Variants in SLC16A7 observed in about 807,000 individuals in gnomAD.
The protein encoded by SLC16A7 is monocarboxylate transporter 2.
A neutral mutation model predicts 34.9 loss-of-function variants in SLC16A7; 33 were observed. The observed-to-expected ratio is 0.94, with a 90% confidence interval of 0.72 to 1.26. The LOEUF (loss-of-function observed/expected upper bound fraction) is 1.26. Among genes scored for constraint, SLC16A7 ranks in the 50% most tolerant of loss-of-function variants. SLC16A7 has a pLI of 0.00. For missense variants in SLC16A7, 573 were observed against 578.1 expected (o/e 0.99, Z 0.09); for synonymous variants, 201 against 206.6 (o/e 0.97, Z 0.23).
In SLC16A7 at chr12:59,761,996, T is replaced by A. The variant is rs79724191; in HGVS notation, c.218-9223T>A. 2.4e-4 allele frequency among the ~76,000 whole-genome samples: 36 copies of A among 152,196 alleles called. 1 individual carries two copies. In the East Asian group the frequency reaches 7.0e-3, roughly 29 times the overall value. The stretch of plus-strand genomic sequence containing the variant: ...ATTTTACTCATTATGCCAACTGTAT[T>A]AAGGGGATTCCATCTTTCTTTGGGC... On this transcript the variant is annotated intron_variant, in intron 3 of 5. Transcript: ENST00000547379.
In SLC16A7 at chr12:59,703,051, G is replaced by A. The variant is rs370006429; in HGVS notation, c.-30-1721G>A. On this transcript the variant is annotated intron_variant, in intron 2 of 5. Coordinates refer to ENST00000547379, the MANE Select transcript of SLC16A7 (RefSeq NM_001270623.2). ...AAAAAGCATTTATTTAGCATAATAAGTACACAGTATTTATTGAGTGAGATC... is the reference window on the plus strand; with the variant it reads ...AAAAAGCATTTATTTAGCATAATAAATACACAGTATTTATTGAGTGAGATC... Among the ~76,000 whole-genome samples the A allele has an allele frequency of 3.3e-5, 5 of 152,066 alleles. No individual in the cohort carries two copies. In the East Asian group the frequency reaches 7.7e-4, roughly 24 times the overall value.
intron 1 of SLC16A7, among the ~76,000 whole-genome samples, chr12:59,600,491 C>T (rs975592819): frequency 5.9e-5 from 9 of 151,542 alleles, no homozygotes; most frequent in African/African-American, 2.2e-4. Context: ...TGTGAGAAAG[C>T]TTCATTTTCT....
chr12:59,744,854 A>G (rs745545299), intron 3 of SLC16A7, among the ~76,000 whole-genome samples: 1 of 151,784 alleles, frequency 6.6e-6, no homozygotes, highest in African/African-American at 2.4e-5. Context: ...TCATCTGTGC[A>G]CTCCCTCTTG....
rs1883574252 is a variant in SLC16A7 at position 59,785,813 on chromosome 12, A to G, written c.*6134A>G. The G allele has an allele frequency of 6.6e-6, 1 of 152,130 alleles. No homozygotes were observed. Among genetic ancestry groups the G allele is most frequent in the Non-Finnish European group, 1.5e-5 (1 of 68,038 alleles). The allele number at this position is 152,130 out of a possible 1,614,324, so 9.4% of individuals were successfully genotyped here. The stretch of plus-strand genomic sequence containing the variant: ...GTTTCTTTTTAATTTAAATATGGCA[A>G]AATAAGCTAGAGAATCTCAGTGTGA... On this transcript the variant is annotated 3_prime_UTR_variant, in exon 6 of 6. Transcript: ENST00000547379.
chr12:59,621,320 C>T (rs976956258), intron 1 of SLC16A7, among the ~76,000 whole-genome samples: 2 of 151,916 alleles, frequency 1.3e-5, no homozygotes, highest in African/African-American at 2.4e-5. Context: ...CATCCGAAAG[C>T]TGAAGTCTGA....
Position 59,684,453 on chromosome 12 carries a change from A to T in SLC16A7, c.-30-20319A>T, listed in dbSNP as rs185039489. ...TGTCCTTCTAGTGAGCAGGGTAGGA[A>T]GGACAGCAACCTGGTGCTCCCCACT... On this transcript the variant is annotated intron_variant, in intron 2 of 5. Coordinates refer to ENST00000547379, the MANE Select transcript of SLC16A7 (RefSeq NM_001270623.2). Among the ~76,000 whole-genome samples, 31 of 152,288 alleles carry T rather than the reference A, an allele frequency of 2.0e-4. 1 individual carries two copies. In the East Asian group the frequency reaches 5.6e-3, roughly 28 times the overall value.
intron 1 of SLC16A7, among the ~76,000 whole-genome samples, chr12:59,646,663 C>T (rs1868254286): frequency 6.6e-6 from 1 of 152,064 alleles, no homozygotes. Flanking sequence ...GGCCACCATC[C>T]CCTGGAACCC....
At chr12:59,750,319 G>A (rs577569210) in intron 3 of SLC16A7, among the ~76,000 whole-genome samples, 135 of 152,030 alleles carry the variant, frequency 8.9e-4, no homozygotes, top group African/African-American at 2.7e-3. Flanking sequence ...CTATCCATCC[G>A]ACAAAGGGCT....
intron 3 of SLC16A7, among the ~76,000 whole-genome samples, 197 bp from the exon 4 acceptor site, chr12:59,771,022 A>G (rs1423046328): frequency 6.6e-6 from 1 of 152,190 alleles, no homozygotes; most frequent in African/African-American, 2.4e-5. Context: ...GTGCTTTTAT[A>G]CATATGACTG....
chr12:59,626,768 A>T (rs1401826591), intron 1 of SLC16A7, among the ~76,000 whole-genome samples: 1 of 151,808 alleles, frequency 6.6e-6, no homozygotes, highest in Non-Finnish European at 1.5e-5. Flanking sequence ...CTCACAGCAG[A>T]TGACAAATTG....
At chr12:59,679,639 C>G (rs1163921778) in intron 2 of SLC16A7, among the ~76,000 whole-genome samples, 1 of 152,014 alleles carries the variant, frequency 6.6e-6, no homozygotes, top group Non-Finnish European at 1.5e-5. Context: ...TTATAATTAC[C>G]TCCTACATTT....
intron 3 of SLC16A7, among the ~76,000 whole-genome samples, chr12:59,737,840 A>C (rs975766461): frequency 6.6e-6 from 1 of 152,126 alleles, no homozygotes; most frequent in Admixed American, 6.5e-5. Context: ...AACCCAACAA[A>C]TGGAATAGTT....
At chr12:59,730,673 CT>C (rs1183886760) in intron 3 of SLC16A7, among the ~76,000 whole-genome samples, 1 of 152,042 alleles carries the variant, frequency 6.6e-6, no homozygotes, top group Non-Finnish European at 1.5e-5. Context: ...ATATATTTTT[CT>C]TTTTATTTTC....
In SLC16A7 at chr12:59,751,281, C is replaced by T. The variant is rs182667532; in HGVS notation, c.218-19938C>T. 3.9e-3 allele frequency among the ~76,000 whole-genome samples: 599 copies of T among 152,328 alleles called. 4 individuals carry two copies. The highest frequency in any genetic ancestry group is 0.013 in the African/African-American group (528 of 41,576). On this transcript the variant is annotated intron_variant, in intron 3 of 5. Coordinates refer to ENST00000547379, the MANE Select transcript of SLC16A7 (RefSeq NM_001270623.2). ...GACAGTGGGTGCAGCGCACCGTGTGCGAGCCGAAGCAGGGCGAGGCATTGC... is the reference window on the plus strand; with the variant it reads ...GACAGTGGGTGCAGCGCACCGTGTGTGAGCCGAAGCAGGGCGAGGCATTGC...
chr12:59,749,919 G>C (rs1052897046), intron 3 of SLC16A7, among the ~76,000 whole-genome samples: 1 of 152,044 alleles, frequency 6.6e-6, no homozygotes, highest in African/African-American at 2.4e-5. Context: ...CCAAACCAGC[G>C]CCAGACATTG....
intron 5 of SLC16A7, among the ~76,000 whole-genome samples, chr12:59,777,555 C>A (rs554299702): frequency 1.3e-5 from 2 of 151,398 alleles, no homozygotes; most frequent in Admixed American, 6.6e-5. Flanking sequence ...GAAAGCATAT[C>A]TGGTTTCTTG....
chr12:59,614,928 G>A (rs1476315560), intron 1 of SLC16A7, among the ~76,000 whole-genome samples: 4 of 150,716 alleles, frequency 2.7e-5, no homozygotes, highest in African/African-American at 9.7e-5. Context: ...ACTTGAGCCC[G>A]GGAGGTGGAG....
chr12:59,755,493 C>G (rs1367548850), intron 3 of SLC16A7, among the ~76,000 whole-genome samples: 1 of 152,168 alleles, frequency 6.6e-6, no homozygotes, highest in African/African-American at 2.4e-5. Flanking sequence ...CATGAGTGAA[C>G]TCCCTTTCAC....
At chr12:59,625,508 A>AT (rs148575154) in intron 1 of SLC16A7, among the ~76,000 whole-genome samples, 1,693 of 151,884 alleles carry the variant, frequency 0.011, 31 homozygotes, top group African/African-American at 0.037. Flanking sequence ...TAGCTCTGTA[A>AT]TTTTGGGAAA....
Sources: allele counts gnomAD v4.1 joint callset (sites outside exome capture counted in the v4.1 genomes callset), GRCh38; gene constraint gnomAD v4.1.1; transcripts MANE v1.5; gene names NCBI Gene and HGNC (gene_info 2026-07-23, HGNC 2026-07-21).